MARK1: variants seen among roughly 807,000 people sequenced by gnomAD.
MARK1 encodes the protein microtubule affinity regulating kinase 1.
Under a neutral mutation model 96.3 loss-of-function variants are expected in MARK1, and 40 were observed. The ratio of observed to expected loss-of-function variants is 0.42; its 90% CI spans 0.32 to 0.54. MARK1 has a LOEUF of 0.54. Ranked by LOEUF, MARK1 falls within the 20% of genes least tolerant of loss-of-function variation. The probability of loss-of-function intolerance (pLI) is 0.16; values close to 1 mark genes in which losing one functional copy is unlikely to be tolerated. For synonymous variants in MARK1, 317 were observed against 341.2 expected, an observed-to-expected ratio of 0.93 and a Z score of 0.78; for missense variants, 719 against 984.6, an observed-to-expected ratio of 0.73 and a Z score of 3.61.
intron 1 of MARK1, among the ~76,000 whole-genome samples, chr1:220,574,702 T>G (rs1484926979): frequency 6.6e-6 from 1 of 152,218 alleles, no homozygotes; most frequent in Non-Finnish European, 1.5e-5. Context: ...ACAGATTATA[T>G]TTTTGTCTGC....
chr1:220,554,523 C>T (rs1662112919), intron 1 of MARK1, among the ~76,000 whole-genome samples: 1 of 152,120 alleles, frequency 6.6e-6, no homozygotes. Flanking sequence ...GTCTGTAGTA[C>T]TGAGTTTGAG....
At chr1:220,532,379 A>G (rs1028108744) in intron 1 of MARK1, among the ~76,000 whole-genome samples, 7 of 152,198 alleles carry the variant, frequency 4.6e-5, no homozygotes, top group African/African-American at 1.7e-4. Flanking sequence ...TACCTATCAC[A>G]TAGCATCTAA....
In MARK1 at chr1:220,635,512, G is replaced by T; in HGVS notation, c.1259G>T (p.Arg420Leu). 1 of 1,609,330 alleles carries T rather than the reference G, an allele frequency of 6.2e-7. No homozygotes were observed. The highest frequency in any genetic ancestry group is 8.5e-7 in the Non-Finnish European group (1 of 1,178,870). The change falls in exon 12 of 18, where the codon CGG becomes CTG. Residue 420 changes from arginine to leucine, a missense_variant. By Grantham distance (102) the Arg-to-Leu change is moderately radical. Transcript: ENST00000366917. ...QRSISANQKQ[R>L]RFSDHAGPSI... is the part of the protein sequence containing the mutation. ...AGTATCTCAGCAAATCAGAAGCAGC[G>T]GCGTTTCAGTGATCATGGTAGGGGA... is the stretch of plus-strand genomic sequence containing the variant.
At chr1:220,591,419 A>G (rs1664972718) in intron 3 of MARK1, among the ~76,000 whole-genome samples, 1 of 152,240 alleles carries the variant, frequency 6.6e-6, no homozygotes, top group Non-Finnish European at 1.5e-5. Flanking sequence ...AAGATTATTC[A>G]TATGACAGTG....
At chr1:220,540,309 G>T (rs1457295337) in intron 1 of MARK1, among the ~76,000 whole-genome samples, 1 of 152,188 alleles carries the variant, frequency 6.6e-6, no homozygotes, top group Non-Finnish European at 1.5e-5. Context: ...ATGCCTGCAA[G>T]CAGGATAAGA....
intron 6 of MARK1, among the ~76,000 whole-genome samples, chr1:220,605,464 C>A (rs1666009730): frequency 6.6e-6 from 1 of 151,634 alleles, no homozygotes; most frequent in Non-Finnish European, 1.5e-5. Context: ...TTACACACAT[C>A]ATTTTTTTAA....
intron 9 of MARK1, among the ~76,000 whole-genome samples, chr1:220,623,171 C>T (rs1029837339): frequency 2.0e-5 from 3 of 151,982 alleles, no homozygotes; most frequent in Non-Finnish European, 4.4e-5. Context: ...TTCTTTATAC[C>T]ATGCCTGAGA....
At chr1:220,593,210 T>C (rs1665112975) in intron 3 of MARK1, among the ~76,000 whole-genome samples, 1 of 152,196 alleles carries the variant, frequency 6.6e-6, no homozygotes, top group African/African-American at 2.4e-5. Flanking sequence ...TTATTCTTTA[T>C]AATATGTTCT....
At position 220,529,375 on chromosome 1, in the gene MARK1, A is replaced by G. The variant is rs143826752; in HGVS notation, c.51+502A>G. Among the ~76,000 whole-genome samples the G allele has an allele frequency of 4.6e-3, 695 of 152,252 alleles. 7 individuals carry two copies. The highest frequency in any genetic ancestry group is 0.015 in the African/African-American group (633 of 41,548). ...TAACATTGTGTCCACATTTTGGGTC[A>G]TGGGCACCAAAGCGAGAAGGATGGG... On this transcript the variant is annotated intron_variant, in intron 1 of 17. Coordinates refer to ENST00000366917, the MANE Select transcript of MARK1 (RefSeq NM_018650.5).
chr1:220,580,624 G>A (rs1664173457), intron 2 of MARK1, among the ~76,000 whole-genome samples: 1 of 152,208 alleles, frequency 6.6e-6, no homozygotes, highest in Non-Finnish European at 1.5e-5. Context: ...ACTGGGCAGA[G>A]CCTTAGATAT....
intron 6 of MARK1, among the ~76,000 whole-genome samples, chr1:220,612,840 A>G (rs926490492): frequency 1.2e-4 from 18 of 152,294 alleles, no homozygotes; most frequent in Non-Finnish European, 1.8e-4. Context: ...TAGAAATACC[A>G]AAGACACTTG....
chr1:220,614,089 C>A (rs533874577), intron 6 of MARK1, among the ~76,000 whole-genome samples: 1 of 152,192 alleles, frequency 6.6e-6, no homozygotes, highest in South Asian at 2.1e-4. Context: ...CATACTGCAA[C>A]CTCGACCTCC....
Position 220,618,627 on chromosome 1 carries a change from T to C in MARK1, c.790-9T>C. 1 of 1,613,708 alleles carries C rather than the reference T, an allele frequency of 6.2e-7. No individual in the cohort carries two copies. On this transcript the variant is annotated splice_polypyrimidine_tract_variant and intron_variant, in intron 8 of 17. Coordinates refer to ENST00000366917, the MANE Select transcript of MARK1 (RefSeq NM_018650.5). The surrounding 1 kb of genome is among the most constrained non-coding windows in gnomAD (Gnocchi z 4.6). ...CCAGTTATAAGTGCTTTCTTTCACT[T>C]TTATTAAGGAACTGCGAGAGCGAGT... is the stretch of plus-strand genomic sequence containing the variant.
chr1:220,635,387 T>G lies in MARK1; in HGVS notation c.1134T>G (p.Gly378=), dbSNP rs1157529031. 4.4e-6 allele frequency: 7 copies of G among 1,595,950 alleles called. No homozygotes were observed. Among genetic ancestry groups the G allele is most frequent in the Non-Finnish European group, 5.1e-6 (6 of 1,174,944 alleles). The change falls in exon 12 of 18, where the codon GGT becomes GGG. Residue 378 remains glycine (G), a synonymous_variant. Coordinates refer to ENST00000366917, the MANE Select transcript of MARK1 (RefSeq NM_018650.5). ...TTTTCTTCTTATAGTTTGAAGGTGG[T>G]GAATCGTTATCCAGTGGAAACTTGT... The part of the protein sequence containing the change: ...LGRKPPEFEG[G]ESLSSGNLCQ...
At chr1:220,649,403 A>AT (rs1284937297) in intron 13 of MARK1, among the ~76,000 whole-genome samples, 1 of 151,836 alleles carries the variant, frequency 6.6e-6, no homozygotes, top group African/African-American at 2.4e-5. Flanking sequence ...ATTTTTTTGT[A>AT]TTTTTTGTGG....
At chr1:220,581,624 A>G (rs1664246694) in intron 3 of MARK1, among the ~76,000 whole-genome samples, 1 of 152,162 alleles carries the variant, frequency 6.6e-6, no homozygotes, top group African/African-American at 2.4e-5. Flanking sequence ...AGAAGTTAAT[A>G]TTGTTCATAG....
rs1668923154 is a variant in MARK1, at chr1:220,652,245, C to G, written c.1736+95C>G. 3.1e-6 allele frequency: 3 copies of G among 955,390 alleles called. No homozygotes were observed. In the East Asian group the frequency reaches 8.1e-5, roughly 26 times the overall value. 59.2% of individuals were successfully genotyped at this position (955,390 alleles called of 1,614,324 possible). A position where few individuals can be genotyped will look rare whatever the true frequency, so the allele number is the denominator to read the frequency against. ...ATGATAGTCACCATCACATTAAGAC[C>G]TTTCTAATAAGATTCAGTGTTTGTT... is the stretch of plus-strand genomic sequence containing the variant. On this transcript the variant is annotated intron_variant, in intron 15 of 17. Coordinates refer to ENST00000366917, the MANE Select transcript of MARK1 (RefSeq NM_018650.5).
intron 9 of MARK1, among the ~76,000 whole-genome samples, chr1:220,622,270 A>T (rs972239925): frequency 1.3e-5 from 2 of 152,194 alleles, no homozygotes; most frequent in Admixed American, 1.3e-4. Flanking sequence ...TCCAGTGTTT[A>T]ACCAAGATGG....
chr1:220,573,980 TA>T (rs1018151109), intron 1 of MARK1, among the ~76,000 whole-genome samples: 1 of 152,200 alleles, frequency 6.6e-6, no homozygotes, highest in African/African-American at 2.4e-5. Context: ...TCCTTTACTT[TA>T]AAAAATGTAT....
Sources: allele counts gnomAD v4.1 joint callset (sites outside exome capture counted in the v4.1 genomes callset), GRCh38; gene constraint gnomAD v4.1.1; non-coding constraint Gnocchi (gnomAD v3.1); transcripts MANE v1.5; gene names NCBI Gene and HGNC (gene_info 2026-07-23, HGNC 2026-07-21).